ADGRF5: variants seen among roughly 807,000 people sequenced by gnomAD.
The protein encoded by ADGRF5 is G-protein coupled receptor 116.
ADGRF5 carries 75 observed loss-of-function variants against 132.3 expected under a neutral mutation model. The ratio of observed to expected loss-of-function variants is 0.57; its 90% CI spans 0.47 to 0.69. The LOEUF is 0.69. ADGRF5 is among the 30% of genes least tolerant of loss of function. The pLI is 0.00. For synonymous variants in ADGRF5, 629 were observed against 597.6 expected (o/e 1.05, Z -0.77); for missense variants, 1,516 against 1,630.6 (o/e 0.93, Z 1.21).
At chr6:46,891,902 A>G (rs767135988) in intron 3 of ADGRF5, among the ~76,000 whole-genome samples, 25 of 152,232 alleles carry the variant, frequency 1.6e-4, no homozygotes, top group South Asian at 2.1e-4. Context: ...TTTACCTTTT[A>G]TGTTCTCCAA....
intron 3 of ADGRF5, 48 bp from the exon 4 acceptor site, chr6:46,888,553 G>T (rs559217927): frequency 9.9e-5 from 130 of 1,309,058 alleles, no homozygotes; most frequent in Non-Finnish European, 1.4e-4. Flanking sequence ...ATGGGAGATG[G>T]AGTAAGATCA....
intron 10 of ADGRF5, among the ~76,000 whole-genome samples, chr6:46,873,431 G>T (rs1413493260): frequency 6.6e-6 from 1 of 151,958 alleles, no homozygotes; most frequent in Non-Finnish European, 1.5e-5. Context: ...CTCCCCTCAT[G>T]CTACTTTGAC....
chr6:46,901,494 CACAATG>C (rs1227122382), intron 2 of ADGRF5, among the ~76,000 whole-genome samples: 2 of 152,208 alleles, frequency 1.3e-5, no homozygotes, highest in Non-Finnish European at 2.9e-5. Flanking sequence ...CTCACATCAT[CACAATG>C]ACAAACATAA....
At chr6:46,918,247 A>G (rs1013170008) in intron 1 of ADGRF5, among the ~76,000 whole-genome samples, 11 of 152,106 alleles carry the variant, frequency 7.2e-5, no homozygotes, top group African/African-American at 2.7e-4. Context: ...TAGAGCACCT[A>G]CTCTGTGCAG....
intron 1 of ADGRF5, among the ~76,000 whole-genome samples, chr6:46,948,236 A>G (rs1778370035): frequency 6.6e-6 from 1 of 152,210 alleles, no homozygotes; most frequent in Non-Finnish European, 1.5e-5. Flanking sequence ...GACAGTAAAT[A>G]TTTGTGCACA....
chr6:46,868,254 T>C (rs1444280306), intron 12 of ADGRF5, among the ~76,000 whole-genome samples: 1 of 152,238 alleles, frequency 6.6e-6, no homozygotes, highest in Non-Finnish European at 1.5e-5. Context: ...TACTTAACTT[T>C]ACTGAGTCTC....
In ADGRF5 at chr6:46,879,947, A is replaced by G. The variant is rs1174143492; in HGVS notation, c.907T>C (p.Ser303Pro). Residue 303 changes from serine to proline, a missense_variant, in exon 9 of 21, where the codon TCT becomes CCT. By Grantham distance (74) the Ser-to-Pro change is moderately conservative. Transcript: ENST00000283296. ...CEKEVLSSNV[S>P]WRYEEQQLEI... ...AACTGCTGTTCTTCATAGCGCCAAG[A>G]CACATTGGAGGACAAAACTTCCTTT... 6.2e-7 allele frequency: 1 copy of G among 1,614,030 alleles called. No individual in the cohort carries two copies. Among genetic ancestry groups the G allele is most frequent in the Non-Finnish European group, 8.5e-7 (1 of 1,179,886 alleles).
At chr6:46,918,003 C>T (rs982465401) in intron 1 of ADGRF5, among the ~76,000 whole-genome samples, 2 of 152,238 alleles carry the variant, frequency 1.3e-5, no homozygotes, top group Non-Finnish European at 2.9e-5. Flanking sequence ...AGGTTCTTTG[C>T]CTTTGCAATT....
At chr6:46,920,827 C>A (rs1776864779) in intron 1 of ADGRF5, among the ~76,000 whole-genome samples, 2 of 151,962 alleles carry the variant, frequency 1.3e-5, no homozygotes, top group African/African-American at 2.4e-5. Flanking sequence ...CGTGCCACTG[C>A]ACTCCAACCT....
chr6:46,926,899 T>C (rs778896573), upstream of ADGRF5, among the ~76,000 whole-genome samples: 6 of 152,164 alleles, frequency 3.9e-5, no homozygotes, highest in Admixed American at 6.5e-5. Flanking sequence ...ATTTTGTCCA[T>C]GAACACTGGG....
intron 2 of ADGRF5, among the ~76,000 whole-genome samples, chr6:46,903,010 T>C (rs927953088): frequency 1.3e-5 from 2 of 152,116 alleles, no homozygotes; most frequent in African/African-American, 4.8e-5. Flanking sequence ...TTTCTTACAT[T>C]ATGAAAAATA....
At chr6:46,880,532 A>G (rs999569558) in intron 8 of ADGRF5, among the ~76,000 whole-genome samples, 1 of 152,212 alleles carries the variant, frequency 6.6e-6, no homozygotes, top group Non-Finnish European at 1.5e-5. Context: ...CTTGAGAAAT[A>G]AGAATTTCCT....
chr6:46,864,681 T>G (rs1447092285), intron 14 of ADGRF5, among the ~76,000 whole-genome samples: 1 of 152,140 alleles, frequency 6.6e-6, no homozygotes, highest in East Asian at 1.9e-4. Flanking sequence ...CATGCTCCCA[T>G]GCCTGGCTAA....
intron 12 of ADGRF5, among the ~76,000 whole-genome samples, chr6:46,867,862 A>G (rs1303727198): frequency 6.6e-6 from 1 of 152,168 alleles, no homozygotes; most frequent in Admixed American, 6.5e-5. Context: ...TGAGAATATG[A>G]CTTTTCAATA....
chr6:46,940,601 G>A (rs971920476), intron 1 of ADGRF5, among the ~76,000 whole-genome samples: 10 of 152,144 alleles, frequency 6.6e-5, no homozygotes, highest in Non-Finnish European at 1.5e-5. Flanking sequence ...GACCATTCTA[G>A]GGCAGAGAAG....
chr6:46,946,153 C>A (rs575097906), intron 1 of ADGRF5, among the ~76,000 whole-genome samples: 4 of 152,102 alleles, frequency 2.6e-5, no homozygotes, highest in Non-Finnish European at 5.9e-5. Flanking sequence ...TGGCTGGCCC[C>A]GGTTATAGCC....
intron 9 of ADGRF5, 140 bp downstream of exon 9, chr6:46,879,678 G>A (rs1772227332): frequency 1.5e-6 from 1 of 658,216 alleles, no homozygotes; most frequent in Non-Finnish European, 2.7e-6. Flanking sequence ...TTAATTTTCA[G>A]TTTTGAAAGG....
At chr6:46,908,590 C>A (rs559243894) in intron 1 of ADGRF5, among the ~76,000 whole-genome samples, 1 of 152,240 alleles carries the variant, frequency 6.6e-6, no homozygotes, top group Admixed American at 6.5e-5. Flanking sequence ...GGTCAGTTAG[C>A]AAGAATTACA....
At position 46,858,999 on chromosome 6, in the gene ADGRF5, C is replaced by T; in HGVS notation, c.2904G>A (p.Trp968Ter). The change falls in exon 17 of 21, where the codon TGG (tryptophan) becomes TGA (stop). Residue 968 changes from tryptophan to a stop codon, truncating the protein, a stop_gained. Coordinates refer to ENST00000283296, the MANE Select transcript of ADGRF5 (RefSeq NM_001098518.2). LOFTEE classifies it high-confidence loss of function. ...NFRLANNTGGWDSSGCYVEEG... is the reference protein window; with the variant it reads ...NFRLANNTGG ...CTTCTACATAGCACCCACTGCTGTC[C>T]CACCCCCCTGTGTTGTTGGCAAGCC... The T allele has an allele frequency of 2.5e-6, 4 of 1,614,102 alleles. No individual in the cohort carries two copies. The highest frequency in any genetic ancestry group is 3.4e-6 in the Non-Finnish European group (4 of 1,180,010).
Sources: gnomAD v4.1 joint callset for allele counts (sites outside exome capture counted in the v4.1 genomes callset) on GRCh38, gnomAD v4.1.1 for gene constraint, MANE v1.5 for transcripts, NCBI Gene and HGNC (gene_info 2026-07-23, HGNC 2026-07-21) for gene names.